PIKFYVE: variants seen among roughly 807,000 people sequenced by gnomAD.
PIKFYVE encodes 1-phosphatidylinositol 3-phosphate 5-kinase.
Under a neutral mutation model 257.9 loss-of-function variants are expected in PIKFYVE, and 122 were observed. The observed-to-expected ratio is 0.47, with a 90% CI of 0.41 to 0.55. PIKFYVE has a LOEUF of 0.55. Ranked by LOEUF, PIKFYVE falls within the 20% of genes least tolerant of loss-of-function variation. The pLI is 0.00. For missense variants in PIKFYVE, 2,160 were observed against 2,536.6 expected, an observed-to-expected ratio of 0.85 and a Z score of 3.19; for synonymous variants, 892 against 868.9, an observed-to-expected ratio of 1.03 and a Z score of -0.47.
rs1239262984 is a variant in PIKFYVE, at chr2:208,357,393, G to GT, written c.*2093dup. 6.6e-6 allele frequency: 1 copy of GT among 152,152 alleles called. No individual in the cohort carries two copies. The highest frequency in any genetic ancestry group is 2.4e-5 in the African/African-American group (1 of 41,420). The allele number at this position is 152,152 out of a possible 1,614,324, so 9.4% of individuals were successfully genotyped here. A position where few individuals can be genotyped will look rare whatever the true frequency, so the allele number is the denominator to read the frequency against. On this transcript the variant is annotated 3_prime_UTR_variant, in exon 42 of 42. Transcript: ENST00000264380. The stretch of plus-strand genomic sequence containing the variant: ...CTAGGTGCAATTAGGTTGTTTCTTT[G>GT]TTTTTAGTTTCAATTCTATGTGCAT...
intron 12 of PIKFYVE, 128 bp downstream of exon 12, chr2:208,305,141 C>A: frequency 6.5e-7 from 1 of 1,546,808 alleles, no homozygotes; most frequent in South Asian, 1.2e-5. Context: ...GGGTTTTGTT[C>A]TACCCTTTCT....
intron 35 of PIKFYVE, among the ~76,000 whole-genome samples, chr2:208,349,431 C>T (rs1482474680): frequency 6.6e-6 from 1 of 151,084 alleles, no homozygotes; most frequent in Admixed American, 6.6e-5. Flanking sequence ...ATAGCTCTGA[C>T]ATAGATTCTA....
At chr2:208,269,602 G>T in intron 1 of PIKFYVE, 1 of 279,470 alleles carries the variant, frequency 3.6e-6, no homozygotes, top group South Asian at 4.3e-5. Context: ...CACATGCCGG[G>T]ACTTCAGGTC....
chr2:208,266,921 T>A (rs2885785), intron 1 of PIKFYVE, among the ~76,000 whole-genome samples: 2 of 152,208 alleles, frequency 1.3e-5, no homozygotes, highest in Admixed American at 1.3e-4. Flanking sequence ...GTTTTGGAGT[T>A]TCTTGAGGAG....
chr2:208,349,456 TA>T (rs1226985624), intron 35 of PIKFYVE, among the ~76,000 whole-genome samples: 3 of 150,610 alleles, frequency 2.0e-5, no homozygotes, highest in African/African-American at 7.3e-5. Context: ...ATTTTATGTA[TA>T]AAAATATGTT....
Position 208,287,744 on chromosome 2 carries a change from G to C in PIKFYVE, c.822-985G>C, listed in dbSNP as rs1691772465. Among the ~76,000 whole-genome samples the C allele has an allele frequency of 2.0e-5, 3 of 151,910 alleles. No homozygotes were observed. In the East Asian group the frequency reaches 5.8e-4, roughly 29 times the overall value. The stretch of plus-strand genomic sequence containing the variant: ...GCCTCCCAATTAGCTGGGATTACAG[G>C]TGTGTGCCACCATGCCCGGCTAAGT... On this transcript the variant is annotated intron_variant, in intron 6 of 41. Transcript: ENST00000264380.
Position 208,273,609 on chromosome 2 carries a change from ACAG to A in PIKFYVE, c.203_205del (p.Gln68del), listed in dbSNP as rs768303985. 3.7e-6 allele frequency: 6 copies of A among 1,614,202 alleles called. No homozygotes were observed. Among genetic ancestry groups the A allele is most frequent in the African/African-American group, 1.3e-5 (1 of 75,052 alleles). On this transcript the variant is annotated inframe_deletion, in exon 3 of 42. Transcript: ENST00000264380. ...AGAGAGCAGAAGGAGGCCAGGGAGA[ACAG>A]CAGCCTTTGAGTGGAAGTTGGACCA...
rs1700139742 is a variant in PIKFYVE at position 208,355,989 on chromosome 2, G to C, written c.*684G>C. 1.3e-5 allele frequency: 2 copies of C among 152,540 alleles called. No individual in the cohort carries two copies. Among genetic ancestry groups the C allele is most frequent in the South Asian group, 2.1e-4 (1 of 4,820 alleles). The allele number at this position is 152,540 out of a possible 1,614,324, so 9.4% of individuals were successfully genotyped here. ...GCAATTAACTTTAAGCCTCCTTTTAGAGATATTTTTAAAACTTGTTTAAAA... is the reference window on the plus strand; with the variant it reads ...GCAATTAACTTTAAGCCTCCTTTTACAGATATTTTTAAAACTTGTTTAAAA... On this transcript the variant is annotated 3_prime_UTR_variant, in exon 42 of 42. Transcript: ENST00000264380.
intron 23 of PIKFYVE, among the ~76,000 whole-genome samples, chr2:208,332,962 T>C (rs1289465177): frequency 6.6e-6 from 1 of 152,054 alleles, no homozygotes; most frequent in Non-Finnish European, 1.5e-5. Flanking sequence ...TGGCCGGGTG[T>C]GGTGGCTCAC....
chr2:208,352,834 T>C, intron 39 of PIKFYVE, 52 bp downstream of exon 39: 1 of 1,593,282 alleles, frequency 6.3e-7, no homozygotes, highest in Non-Finnish European at 8.6e-7. Context: ...CTTTTGTACC[T>C]TTGGTTCTTA....
Position 208,355,515 on chromosome 2 carries a change from G to A in PIKFYVE, c.*210G>A, listed in dbSNP as rs77542967. 4.8e-3 allele frequency: 2,329 copies of A among 487,296 alleles called. 42 individuals carry two copies. Among genetic ancestry groups the A allele is most frequent in the African/African-American group, 0.04 (2,075 of 51,286 alleles). The allele number at this position is 487,296 out of a possible 1,614,324, so 30.2% of individuals were successfully genotyped here. ...TTGATACCTGTGGAGCTGTCTGTAG[G>A]TTGGGAAGTGGCATGAAAATTTTCT... is the stretch of plus-strand genomic sequence containing the variant. On this transcript the variant is annotated 3_prime_UTR_variant, in exon 42 of 42. Coordinates refer to ENST00000264380, the MANE Select transcript of PIKFYVE (RefSeq NM_015040.4).
chr2:208,300,072 A>G (rs1243749257), intron 8 of PIKFYVE, among the ~76,000 whole-genome samples: 1 of 152,202 alleles, frequency 6.6e-6, no homozygotes, highest in African/African-American at 2.4e-5. Flanking sequence ...TAGAAATAAG[A>G]TCAGTGGGAA....
intron 3 of PIKFYVE, among the ~76,000 whole-genome samples, chr2:208,274,431 C>G (rs1462656267): frequency 1.3e-5 from 2 of 152,156 alleles, no homozygotes; most frequent in African/African-American, 4.8e-5. Context: ...TGGGAGGTGG[C>G]ATGATAGAGG....
chr2:208,347,205 A>T (rs935480447), intron 34 of PIKFYVE, among the ~76,000 whole-genome samples: 2 of 152,212 alleles, frequency 1.3e-5, no homozygotes, highest in African/African-American at 2.4e-5. Flanking sequence ...TTTATGATTG[A>T]CATTTTCTGT....
intron 7 of PIKFYVE, among the ~76,000 whole-genome samples, chr2:208,289,373 T>G (rs1174911380): frequency 6.6e-6 from 1 of 152,136 alleles, no homozygotes; most frequent in Non-Finnish European, 1.5e-5. Flanking sequence ...TCATTAAGAT[T>G]TACTAATTTA....
chr2:208,354,344 C>CA (rs1700025455), intron 40 of PIKFYVE, among the ~76,000 whole-genome samples, 185 bp downstream of exon 40: 1 of 152,002 alleles, frequency 6.6e-6, no homozygotes, highest in Admixed American at 6.6e-5. Context: ...TTATCTCTAC[C>CA]AAAAATATGT....
chr2:208,330,947 T>C (rs1697473623), intron 23 of PIKFYVE, among the ~76,000 whole-genome samples: 1 of 152,186 alleles, frequency 6.6e-6, no homozygotes, highest in South Asian at 2.1e-4. Context: ...CTTGAGGTTG[T>C]ATCATGACAT....
At chr2:208,335,038 G>A (rs1697979322) in intron 24 of PIKFYVE, among the ~76,000 whole-genome samples, 1 of 152,118 alleles carries the variant, frequency 6.6e-6, no homozygotes, top group East Asian at 1.9e-4. Context: ...TATAACAATC[G>A]TTTTTGGTTT....
rs764769519 is a variant in PIKFYVE, at chr2:208,317,951, T to A, written c.2082+10T>A. 5 of 1,606,396 alleles carry A rather than the reference T, an allele frequency of 3.1e-6. No individual in the cohort carries two copies. The highest frequency in any genetic ancestry group is 1.7e-4 in the Middle Eastern group (1 of 6,046). On this transcript the variant is annotated intron_variant, in intron 16 of 41. Coordinates refer to ENST00000264380, the MANE Select transcript of PIKFYVE (RefSeq NM_015040.4). ...CATTGCACATAAAAAGGTAATGTGA[T>A]TCAGTTCAGCAGTGAAGTTCAGCAA... is the stretch of plus-strand genomic sequence containing the variant.
Sources: gnomAD v4.1 joint callset for allele counts (sites outside exome capture counted in the v4.1 genomes callset) on GRCh38, gnomAD v4.1.1 for gene constraint, MANE v1.5 for transcripts, NCBI Gene and HGNC (gene_info 2026-07-23, HGNC 2026-07-21) for gene names.